The following EPHB2 variants were observed in gnomAD, a reference collection of about 807,000 sequenced individuals.
The protein encoded by EPHB2 is ephrin type-B receptor 2.
EPHB2 carries 18 observed loss-of-function variants against 96.4 expected under a neutral mutation model. That is an observed-to-expected ratio of 0.19 (90% CI 0.13 to 0.28). The LOEUF (loss-of-function observed/expected upper bound fraction) is 0.28. EPHB2 is among the 10% of genes least tolerant of loss of function. The pLI is 1.00. For missense variants in EPHB2, 989 were observed against 1,355.4 expected (o/e 0.73, Z 4.25); for synonymous variants, 506 against 534.1 (o/e 0.95, Z 0.72).
At chr1:22,800,178 G>C (rs532877434) in intron 3 of EPHB2, 1 of 152,318 alleles carries the variant, frequency 6.6e-6, no homozygotes, top group African/African-American at 2.4e-5. Context: ...GTCCCTGTAC[G>C]CATGCGTGTG....
intron 3 of EPHB2, among the ~76,000 whole-genome samples, chr1:22,796,930 G>A (rs1052874453): frequency 6.6e-5 from 10 of 152,348 alleles, no homozygotes; most frequent in African/African-American, 2.4e-4. Context: ...CTAATGGACA[G>A]AGGAGCCAGA....
At chr1:22,740,057 C>A (rs1643884925) in intron 1 of EPHB2, among the ~76,000 whole-genome samples, 1 of 152,192 alleles carries the variant, frequency 6.6e-6, no homozygotes, top group Non-Finnish European at 1.5e-5. Flanking sequence ...TCCAAATAAA[C>A]CGGTTTTGAA....
At chr1:22,857,277 G>A (rs1255484724) in intron 3 of EPHB2, among the ~76,000 whole-genome samples, 1 of 152,064 alleles carries the variant, frequency 6.6e-6, no homozygotes, top group East Asian at 1.9e-4. Context: ...CCCCTCAACT[G>A]CCAGTTTAAT....
At chr1:22,867,232 T>C (rs1378356509) in intron 5 of EPHB2, among the ~76,000 whole-genome samples, 1 of 152,236 alleles carries the variant, frequency 6.6e-6, no homozygotes, top group Non-Finnish European at 1.5e-5. Context: ...TGCTGTCATA[T>C]GTGTTTGGTG....
chr1:22,796,221 G>A (rs1442069911), intron 3 of EPHB2, among the ~76,000 whole-genome samples: 1 of 152,220 alleles, frequency 6.6e-6, no homozygotes, highest in Non-Finnish European at 1.5e-5. Context: ...ATGTCAGGCG[G>A]TGATTAGGAC....
At chr1:22,835,482 G>A (rs1196284385) in intron 3 of EPHB2, among the ~76,000 whole-genome samples, 2 of 152,216 alleles carry the variant, frequency 1.3e-5, no homozygotes, top group Admixed American at 6.5e-5. Flanking sequence ...ACATATGTTT[G>A]CATATGGATA....
rs867478756 is a variant in EPHB2, at chr1:22,781,610, C to G, written c.126+125C>G. ...CTTCAGGACCCAGAGCCAGGCCTCT[C>G]TCAGCCCCACCCTCCCAATCCCCTA... On this transcript the variant is annotated intron_variant, in intron 2 of 15. Transcript: ENST00000374630. 88 of 876,664 alleles carry G rather than the reference C, an allele frequency of 1.0e-4. No individual in the cohort carries two copies. The African/African-American group carries it at 1.4e-3, about 14-fold the overall frequency. The allele number at this position is 876,664 out of a possible 1,614,324, so 54.3% of individuals were successfully genotyped here.
In EPHB2 at chr1:22,805,205, C is replaced by T. The variant is rs368046398; in HGVS notation, c.811+20129C>T. ...TGTCAAATCCATGTCCCACAGGGGGCCTGGCCTGTTGATTCTGAAGGACTT... is the reference window on the plus strand; with the variant it reads ...TGTCAAATCCATGTCCCACAGGGGGTCTGGCCTGTTGATTCTGAAGGACTT... On this transcript the variant is annotated intron_variant, in intron 3 of 15. Transcript: ENST00000374630. Among the ~76,000 whole-genome samples the T allele has an allele frequency of 6.6e-5, 10 of 152,228 alleles. No homozygotes were observed. In the South Asian group the frequency reaches 2.1e-3, roughly 32 times the overall value.
chr1:22,732,802 C>T (rs1346056886), intron 1 of EPHB2, among the ~76,000 whole-genome samples: 3 of 152,178 alleles, frequency 2.0e-5, no homozygotes, highest in Non-Finnish European at 4.4e-5. Flanking sequence ...GGGGGTGTCA[C>T]CATGACCCAT....
chr1:22,763,952 T>C (rs954392067), intron 1 of EPHB2, among the ~76,000 whole-genome samples: 1 of 152,124 alleles, frequency 6.6e-6, no homozygotes, highest in African/African-American at 2.4e-5. Context: ...CACATCTCTC[T>C]AACGCCAACC....
chr1:22,902,829 G>T (rs377300325), intron 9 of EPHB2, among the ~76,000 whole-genome samples: 8 of 152,206 alleles, frequency 5.3e-5, no homozygotes, highest in East Asian at 1.9e-4. Context: ...ATAAGAGTGG[G>T]TGTGGACTCA....
chr1:22,734,718 G>C (rs1180214923), intron 1 of EPHB2, among the ~76,000 whole-genome samples: 1 of 152,086 alleles, frequency 6.6e-6, no homozygotes, highest in African/African-American at 2.4e-5. Context: ...TACCACTCCC[G>C]GCCTGAATGT....
chr1:22,730,389 G>A (rs1178166611), intron 1 of EPHB2, among the ~76,000 whole-genome samples: 1 of 152,230 alleles, frequency 6.6e-6, no homozygotes, highest in Non-Finnish European at 1.5e-5. Flanking sequence ...GACATCCCAA[G>A]CTCTTACCAG....
rs1266836393 is a variant in EPHB2 at position 22,906,970 on chromosome 1, A to G, written c.2136+13A>G. The G allele has an allele frequency of 6.2e-7, 1 of 1,601,812 alleles. No homozygotes were observed. The highest frequency in any genetic ancestry group is 1.3e-5 in the African/African-American group (1 of 74,752). ...CTCCTTTCTCCGGGTAGGGGAAGCC[A>G]AGAGGGCCAGGGGCCCATGAATGGG... On this transcript the variant is annotated intron_variant, in intron 11 of 15. Coordinates refer to ENST00000374630, the MANE Select transcript of EPHB2 (RefSeq NM_017449.5). This position sits in a 1 kb window ranked among gnomAD's most constrained non-coding sequence, Gnocchi z 4.8.
chr1:22,884,055 A>G (rs1165142675), intron 6 of EPHB2, among the ~76,000 whole-genome samples: 1 of 148,924 alleles, frequency 6.7e-6, no homozygotes, highest in African/African-American at 2.5e-5. Context: ...GTCCCTCCCA[A>G]ATGTCACCTC....
chr1:22,833,956 AC>A lies in EPHB2; in HGVS notation c.812-29080del, dbSNP rs1457124716. ...AAGATACATTTCAGAGGATAAAAAG[AC>A]TTTAAGACAAAACAGCATTATTAGG... On this transcript the variant is annotated intron_variant, in intron 3 of 15. Transcript: ENST00000374630. Among the ~76,000 whole-genome samples the A allele has an allele frequency of 2.6e-5, 4 of 152,150 alleles. No homozygotes were observed. The East Asian group carries it at 5.8e-4, about 22-fold the overall frequency.
At chr1:22,836,181 A>G (rs1450596006) in intron 3 of EPHB2, among the ~76,000 whole-genome samples, 3 of 152,062 alleles carry the variant, frequency 2.0e-5, no homozygotes, top group Non-Finnish European at 4.4e-5. Context: ...TGATTTCCCC[A>G]AAGCCTTCTG....
At chr1:22,884,979 G>A (rs1639176989) in intron 6 of EPHB2, among the ~76,000 whole-genome samples, 1 of 152,004 alleles carries the variant, frequency 6.6e-6, no homozygotes, top group African/African-American at 2.4e-5. Context: ...TCTCTGCTGT[G>A]TCCCCAGCGC....
intron 2 of EPHB2, among the ~76,000 whole-genome samples, chr1:22,781,786 A>G (rs1387907543): frequency 6.6e-6 from 1 of 152,142 alleles, no homozygotes; most frequent in East Asian, 1.9e-4. Context: ...GAAGAAAGTG[A>G]ACTGTCGTTT....
Sources: gnomAD v4.1 joint callset for allele counts (sites outside exome capture counted in the v4.1 genomes callset) on GRCh38, gnomAD v4.1.1 for gene constraint, Gnocchi (gnomAD v3.1) non-coding constraint, MANE v1.5 for transcripts, NCBI Gene and HGNC (gene_info 2026-07-23, HGNC 2026-07-21) for gene names.